PDE1C: variants seen among roughly 807,000 people sequenced by gnomAD.
PDE1C encodes the protein dual specificity calcium/calmodulin-dependent 3',5'-cyclic nucleotide phosphodiesterase 1C.
A neutral mutation model predicts 93.1 loss-of-function variants in PDE1C; 62 were observed. That is an observed-to-expected ratio of 0.67 (90% CI 0.54 to 0.82). The LOEUF is 0.82. Among genes scored for constraint, PDE1C ranks in the 40% least tolerant of loss-of-function variants. PDE1C has a pLI of 0.00. For missense variants in PDE1C, 742 were observed against 884.6 expected (o/e 0.84, Z 2.04); for synonymous variants, 325 against 310.1 (o/e 1.05, Z -0.50).
chr7:31,660,048 T>C, the PDE1C span, among the ~76,000 whole-genome samples: 1 of 151,694 alleles, frequency 6.6e-6, no homozygotes. Context: ...CATTTCCCCC[T>C]TTTTTTTTGG....
At chr7:32,374,196 GAGGGAAAGAGAGGGAAAGAA>G (rs1784384017) in intron 1 of PDE1C, among the ~76,000 whole-genome samples, 1 of 129,672 alleles carries the variant, frequency 7.7e-6, no homozygotes, top group South Asian at 2.4e-4. Context: ...GAAAGAAAGA[GAGGGAAAGAGAGGGAAAGAA>G]AGGGAAAGAA....
chr7:31,819,220 A>G (rs1438105797), intron 14 of PDE1C, among the ~76,000 whole-genome samples: 1 of 152,150 alleles, frequency 6.6e-6, no homozygotes, highest in Admixed American at 6.6e-5. Flanking sequence ...CATTAGTGTG[A>G]TCGACTGCAT....
intron 1 of PDE1C, among the ~76,000 whole-genome samples, chr7:32,407,893 G>A (rs1396945947): frequency 6.6e-6 from 1 of 152,074 alleles, no homozygotes; most frequent in Non-Finnish European, 1.5e-5. Flanking sequence ...CAGGTAGTGT[G>A]GACCTCAAAC....
At chr7:32,158,251 T>C (rs555747696) in intron 3 of PDE1C, among the ~76,000 whole-genome samples, 44 of 152,310 alleles carry the variant, frequency 2.9e-4, no homozygotes, top group African/African-American at 1.0e-3. Flanking sequence ...AGGCAGTTTA[T>C]GATATGCCCG....
At chr7:31,843,680 T>C (rs1306577340) in intron 9 of PDE1C, among the ~76,000 whole-genome samples, 2 of 151,898 alleles carry the variant, frequency 1.3e-5, no homozygotes, top group Non-Finnish European at 2.9e-5. Context: ...TAACATTTAA[T>C]GTAATTATTA....
chr7:32,357,176 C>CA (rs967190889), intron 1 of PDE1C, among the ~76,000 whole-genome samples: 5 of 151,634 alleles, frequency 3.3e-5, no homozygotes, highest in Non-Finnish European at 7.4e-5. Flanking sequence ...AATAAAAATA[C>CA]AAAAAAAATT....
intron 2 of PDE1C, among the ~76,000 whole-genome samples, chr7:31,893,190 G>A (rs936982907): frequency 6.6e-6 from 1 of 152,208 alleles, no homozygotes; most frequent in Non-Finnish European, 1.5e-5. Flanking sequence ...AGGTCACGGA[G>A]ACGGTGTTTT....
At chr7:32,373,602 T>C (rs1011402101) in intron 1 of PDE1C, among the ~76,000 whole-genome samples, 8 of 152,356 alleles carry the variant, frequency 5.3e-5, no homozygotes, top group Middle Eastern at 3.4e-3. Context: ...TTGTATACTT[T>C]AAATAGATGA....
intron 3 of PDE1C, among the ~76,000 whole-genome samples, chr7:32,134,567 AT>A (rs1488645648): frequency 2.0e-5 from 3 of 152,198 alleles, no homozygotes; most frequent in Non-Finnish European, 2.9e-5. Flanking sequence ...ACCATGGAAT[AT>A]TATGCAGCCA....
chr7:31,833,177 T>C (rs570437670), intron 11 of PDE1C, among the ~76,000 whole-genome samples: 1 of 152,348 alleles, frequency 6.6e-6, no homozygotes, highest in South Asian at 2.1e-4. Context: ...TGCTGTCTCT[T>C]TGCTGGCTGC....
At chr7:31,626,436 AT>A in the PDE1C span, among the ~76,000 whole-genome samples, 2 of 152,174 alleles carry the variant, frequency 1.3e-5, no homozygotes, top group African/African-American at 2.4e-5. Context: ...ATCTGGTACT[AT>A]TTAGATAGAA....
intron 1 of PDE1C, among the ~76,000 whole-genome samples, chr7:32,055,742 A>G (rs1196295280): frequency 6.6e-6 from 1 of 152,210 alleles, no homozygotes; most frequent in Non-Finnish European, 1.5e-5. Flanking sequence ...TGTTTTTGAG[A>G]GGGAATCTCA....
intron 17 of PDE1C, among the ~76,000 whole-genome samples, chr7:31,756,635 T>C (rs903423557): frequency 6.6e-6 from 1 of 152,172 alleles, no homozygotes; most frequent in Admixed American, 6.5e-5. Context: ...TCTGCAGATC[T>C]AGACATAGAA....
chr7:31,947,063 T>G (rs1017721382), intron 2 of PDE1C, among the ~76,000 whole-genome samples: 1 of 152,230 alleles, frequency 6.6e-6, no homozygotes, highest in African/African-American at 2.4e-5. Context: ...TTTGTCTCAC[T>G]TCTTGACTTT....
intron 1 of PDE1C, among the ~76,000 whole-genome samples, chr7:32,231,487 G>A (rs1357458798): frequency 6.6e-6 from 1 of 152,088 alleles, no homozygotes. Context: ...TATCTGAATA[G>A]ACCTTATACC....
chr7:31,835,547 T>C (rs1393465858), intron 11 of PDE1C, among the ~76,000 whole-genome samples: 23 of 152,030 alleles, frequency 1.5e-4, no homozygotes, highest in Middle Eastern at 3.4e-3. Context: ...TGTGTGTGTG[T>C]GTGTGTGTGC....
intron 1 of PDE1C, among the ~76,000 whole-genome samples, chr7:32,366,961 G>A (rs1784240733): frequency 6.6e-6 from 1 of 152,014 alleles, no homozygotes; most frequent in South Asian, 2.1e-4. Flanking sequence ...CCCAGGAGGT[G>A]GAGTTTGCAG....
the PDE1C span, chr7:31,651,018 A>G: frequency 2.0e-6 from 2 of 1,008,818 alleles, no homozygotes; most frequent in Non-Finnish European, 2.8e-6. Flanking sequence ...CCTCCCCCTT[A>G]TATTAGCAGT....
In PDE1C at chr7:32,425,137, T is replaced by C. The variant is rs927632778; in HGVS notation, c.310+2685A>G. ...ATTATATTACATATATATATATTCA[T>C]ATATATTCATCTTGGCTTATAAAGT... is the stretch of plus-strand genomic sequence containing the variant. On this transcript the variant is annotated intron_variant, in intron 1 of 1. Transcript: ENST00000672256. Among the ~76,000 whole-genome samples, 9 of 151,798 alleles carry C rather than the reference T, an allele frequency of 5.9e-5. No homozygotes were observed. The South Asian group carries it at 1.2e-3, about 21-fold the overall frequency.
Sources: allele counts gnomAD v4.1 joint callset (sites outside exome capture counted in the v4.1 genomes callset), GRCh38; gene constraint gnomAD v4.1.1; transcripts MANE v1.5; gene names NCBI Gene and HGNC (gene_info 2026-07-23, HGNC 2026-07-21).